The following ADAM22 variants were observed in gnomAD, a reference collection of about 807,000 sequenced individuals.
The protein encoded by ADAM22 is ADAM metallopeptidase domain 22, also known as disintegrin and metalloproteinase domain-containing protein 22.
In ADAM22, 65 loss-of-function variants were observed where a neutral mutation model predicts 144.6. The ratio of observed to expected loss-of-function variants is 0.45; its 90% confidence interval spans 0.37 to 0.55. ADAM22 has a LOEUF of 0.55. Ranked by LOEUF, ADAM22 falls within the 20% of genes least tolerant of loss-of-function variation. The pLI is 0.00. For missense variants in ADAM22, 974 were observed against 1,184.9 expected (o/e 0.82, Z 2.61); for synonymous variants, 391 against 412.6 (o/e 0.95, Z 0.63).
chr7:87,956,775 G>T (rs1022360303), intron 2 of ADAM22, among the ~76,000 whole-genome samples: 1 of 152,074 alleles, frequency 6.6e-6, no homozygotes, highest in African/African-American at 2.4e-5. Flanking sequence ...GCATGTATCA[G>T]TATTTCATTC....
At chr7:88,145,631 A>T in intron 17 of ADAM22, 124 bp downstream of exon 17, 1 of 723,860 alleles carries the variant, frequency 1.4e-6, no homozygotes, top group East Asian at 2.9e-5. Flanking sequence ...AGTAAGTGCC[A>T]GGTGCTTTAT....
chr7:88,001,587 C>T (rs1316334321), intron 3 of ADAM22, among the ~76,000 whole-genome samples: 1 of 151,928 alleles, frequency 6.6e-6, no homozygotes, highest in East Asian at 1.9e-4. Context: ...GATCAAGGCT[C>T]CCTAATTTTA....
At position 88,039,464 on chromosome 7, in the gene ADAM22, A is replaced by ATAT. The variant is rs1554420478; in HGVS notation, c.324-36162_324-36161insTAT. On this transcript the variant is annotated intron_variant, in intron 3 of 31. Transcript: ENST00000413139. ...GATTCTGTCTCAAAAAAAAAAAAAA[A>ATAT]ATATATATATATATATATATACATT... Among the ~76,000 whole-genome samples, 125 of 76,384 alleles carry ATAT rather than the reference A, an allele frequency of 1.6e-3. 6 individuals are homozygous for ATAT. The highest frequency in any genetic ancestry group is 4.6e-3 in the South Asian group (8 of 1,746). The allele number at this position is 76,384 out of a possible 152,430, so 50.1% of individuals were successfully genotyped here.
chr7:88,139,153 C>A (rs796937319), intron 14 of ADAM22, among the ~76,000 whole-genome samples: 10 of 152,338 alleles, frequency 6.6e-5, no homozygotes, highest in African/African-American at 2.4e-4. Flanking sequence ...CATGGTGGCT[C>A]ACGCCTGTAA....
chr7:88,132,867 G>A lies in ADAM22; in HGVS notation c.993G>A (p.Ser331=). 1 of 1,613,658 alleles carries A rather than the reference G, an allele frequency of 6.2e-7. No homozygotes were observed. Among genetic ancestry groups the A allele is most frequent in the South Asian group, 1.1e-5 (1 of 91,076 alleles). ...CATTTTTCATTTCCTTTTCTAAAAG[G>A]GGAAGTCAATTTGAGAGTAGCCGGA... ...KEKSDAVHLF[S]GSQFESSRSG... Residue 331 remains serine (S), a splice_region_variant and synonymous_variant, in exon 12 of 32, where the codon TCG becomes TCA. Transcript: ENST00000413139.
intron 4 of ADAM22, among the ~76,000 whole-genome samples, chr7:88,078,415 C>T (rs1320405545): frequency 6.6e-6 from 1 of 152,188 alleles, no homozygotes; most frequent in Non-Finnish European, 1.5e-5. Flanking sequence ...AGCAGAAAAA[C>T]CAGAAACTCT....
intron 14 of ADAM22, among the ~76,000 whole-genome samples, chr7:88,137,211 C>G (rs917378777): frequency 6.6e-5 from 10 of 152,200 alleles, no homozygotes; most frequent in African/African-American, 2.4e-4. Flanking sequence ...TGTTTTTTAT[C>G]AATATGTTTG....
At chr7:88,015,150 G>C (rs779824295) in intron 3 of ADAM22, among the ~76,000 whole-genome samples, 3 of 152,158 alleles carry the variant, frequency 2.0e-5, no homozygotes, top group Non-Finnish European at 2.9e-5. Flanking sequence ...CCTTTGTTCT[G>C]AAGAAGACAA....
intron 4 of ADAM22, among the ~76,000 whole-genome samples, chr7:88,094,976 C>T (rs1211034372): frequency 6.6e-6 from 1 of 152,142 alleles, no homozygotes; most frequent in Non-Finnish European, 1.5e-5. Flanking sequence ...CTTATGCCTC[C>T]TATACTTCAT....
At chr7:88,045,258 T>C (rs1053562203) in intron 3 of ADAM22, among the ~76,000 whole-genome samples, 5 of 152,182 alleles carry the variant, frequency 3.3e-5, no homozygotes, top group Non-Finnish European at 7.4e-5. Flanking sequence ...CTTCAGGCAA[T>C]CTGTCCACCT....
intron 3 of ADAM22, among the ~76,000 whole-genome samples, chr7:88,040,252 C>G (rs1403611197): frequency 1.3e-5 from 2 of 151,964 alleles, no homozygotes; most frequent in African/African-American, 4.8e-5. Flanking sequence ...CTGCCTCAGC[C>G]TCCTGAGTAG....
intron 2 of ADAM22, among the ~76,000 whole-genome samples, chr7:87,968,714 C>T (rs947788050): frequency 6.6e-6 from 1 of 152,072 alleles, no homozygotes; most frequent in African/African-American, 2.4e-5. Flanking sequence ...AGAGCATGAC[C>T]CTATCTCTAA....
intron 3 of ADAM22, among the ~76,000 whole-genome samples, chr7:88,006,440 C>A (rs1042724105): frequency 1.3e-5 from 2 of 151,976 alleles, no homozygotes; most frequent in African/African-American, 4.8e-5. Context: ...TGGGCAGAGA[C>A]ACAACCAAAA....
intron 14 of ADAM22, among the ~76,000 whole-genome samples, chr7:88,141,323 A>G (rs544610298): frequency 6.8e-4 from 103 of 152,292 alleles, no homozygotes; most frequent in African/African-American, 2.2e-3. Context: ...GAAGGAAGTA[A>G]AGGAGTTCAG....
At chr7:87,987,505 TA>T (rs1275534451) in intron 3 of ADAM22, among the ~76,000 whole-genome samples, 2 of 152,224 alleles carry the variant, frequency 1.3e-5, no homozygotes, top group Non-Finnish European at 2.9e-5. Flanking sequence ...TGAACTTTCT[TA>T]AATTATCTAG....
At chr7:87,978,272 A>C in intron 2 of ADAM22, 64 bp from the exon 3 acceptor site, 1 of 1,195,046 alleles carries the variant, frequency 8.4e-7, no homozygotes, top group Middle Eastern at 2.0e-4. Flanking sequence ...AATCATAAGA[A>C]AGACTAATTG....
intron 4 of ADAM22, among the ~76,000 whole-genome samples, chr7:88,092,849 G>T (rs1820305784): frequency 6.6e-6 from 1 of 152,142 alleles, no homozygotes; most frequent in Non-Finnish European, 1.5e-5. Flanking sequence ...TGGAAGAAAG[G>T]AAAAATGAAA....
intron 2 of ADAM22, among the ~76,000 whole-genome samples, chr7:87,963,645 TC>T (rs1310841762): frequency 2.6e-5 from 4 of 152,214 alleles, no homozygotes; most frequent in African/African-American, 9.6e-5. Context: ...TCCAAACACA[TC>T]AACAGCACAG....
At chr7:88,010,600 T>C (rs1795132313) in intron 3 of ADAM22, among the ~76,000 whole-genome samples, 1 of 152,162 alleles carries the variant, frequency 6.6e-6, no homozygotes, top group Admixed American at 6.5e-5. Context: ...GAACTTCTTT[T>C]CCAGCTCCTA....
Sources: gnomAD v4.1 joint callset for allele counts (sites outside exome capture counted in the v4.1 genomes callset) on GRCh38, gnomAD v4.1.1 for gene constraint, MANE v1.5 for transcripts, NCBI Gene and HGNC (gene_info 2026-07-23, HGNC 2026-07-21) for gene names.